The following CORIN variants were observed in gnomAD, a reference collection of about 807,000 sequenced individuals.
CORIN encodes the protein atrial natriuretic peptide-converting enzyme.
In CORIN, 117 loss-of-function variants were observed where a neutral mutation model predicts 125.3. The ratio of observed to expected loss-of-function variants is 0.93; its 90% confidence interval spans 0.80 to 1.09. CORIN has a LOEUF of 1.09. CORIN is among the 50% of genes least tolerant of loss of function. The probability of loss-of-function intolerance (pLI) is 0.00; values close to 1 mark genes in which losing one functional copy is unlikely to be tolerated. For missense variants in CORIN, 1,253 were observed against 1,306.7 expected (o/e 0.96, Z 0.63); for synonymous variants, 450 against 466.4 (o/e 0.96, Z 0.45).
intron 3 of CORIN, among the ~76,000 whole-genome samples, chr4:47,782,324 G>A (rs1730591084): frequency 6.6e-6 from 1 of 151,112 alleles, no homozygotes; most frequent in African/African-American, 2.4e-5. Context: ...GGCGAAGGTT[G>A]CAGTGAACTG....
At chr4:47,810,010 C>T (rs1371630241) in intron 1 of CORIN, among the ~76,000 whole-genome samples, 1 of 152,218 alleles carries the variant, frequency 6.6e-6, no homozygotes, top group Non-Finnish European at 1.5e-5. Context: ...CCACAAGCAC[C>T]TTCCTCAGCC....
intron 6 of CORIN, among the ~76,000 whole-genome samples, chr4:47,686,876 A>G (rs999791539): frequency 1.3e-5 from 2 of 152,150 alleles, no homozygotes; most frequent in African/African-American, 2.4e-5. Flanking sequence ...GGAATCAAAT[A>G]CCCCTTTCAG....
chr4:47,595,835 T>G lies in CORIN; in HGVS notation c.3015A>C (p.Ser1005=), dbSNP rs747883486. 5.6e-6 allele frequency: 9 copies of G among 1,613,838 alleles called. No homozygotes were observed. The highest frequency in any genetic ancestry group is 7.6e-6 in the Non-Finnish European group (9 of 1,179,846). The change falls in exon 22 of 22, where the codon TCA becomes TCC. Residue 1005 remains serine, a synonymous_variant. Coordinates refer to ENST00000273857, the MANE Select transcript of CORIN (RefSeq NM_006587.4). The part of the protein sequence containing the change: ...GGRWTLFGLT[S]WGSVCFSKVL... ...CTTTGGAAAAGCAGACGGAGCCCCA[T>G]GAAGTTAATCCAAATAATGTCCACC...
chr4:47,696,336 T>C (rs1726003070), intron 5 of CORIN, among the ~76,000 whole-genome samples: 1 of 152,190 alleles, frequency 6.6e-6, no homozygotes, highest in African/African-American at 2.4e-5. Context: ...AAGAGGTATA[T>C]GTTGGAATTT....
chr4:47,816,356 T>A (rs1187719192), intron 1 of CORIN, among the ~76,000 whole-genome samples: 1 of 152,308 alleles, frequency 6.6e-6, no homozygotes, highest in Non-Finnish European at 1.5e-5. Flanking sequence ...AAATGAGAAA[T>A]TCTGTGTTGA....
chr4:47,698,068 A>G (rs921348784), intron 5 of CORIN, among the ~76,000 whole-genome samples: 5 of 151,668 alleles, frequency 3.3e-5, no homozygotes, highest in African/African-American at 1.2e-4. Context: ...TAGAATAATT[A>G]ATACTATTCT....
chr4:47,788,795 A>G (rs753701878), intron 2 of CORIN, among the ~76,000 whole-genome samples: 1 of 152,190 alleles, frequency 6.6e-6, no homozygotes. Flanking sequence ...TGCTGAATCT[A>G]TGAGTAGGCA....
At chr4:47,770,539 A>C (rs946170795) in intron 3 of CORIN, among the ~76,000 whole-genome samples, 1 of 150,666 alleles carries the variant, frequency 6.6e-6, no homozygotes, top group Non-Finnish European at 1.5e-5. Flanking sequence ...TATTCCAAGG[A>C]TGTAAAATCA....
chr4:47,683,089 T>C (rs1321046480), intron 7 of CORIN: 1 of 152,302 alleles, frequency 6.6e-6, no homozygotes. Flanking sequence ...CTCAATAATA[T>C]GCTACCTAAA....
chr4:47,777,614 G>C (rs530444440), intron 3 of CORIN, among the ~76,000 whole-genome samples: 1 of 152,298 alleles, frequency 6.6e-6, no homozygotes, highest in African/African-American at 2.4e-5. Flanking sequence ...CTGGGTGACA[G>C]AGCAAGACTC....
chr4:47,724,125 T>TGAA (rs1727481162), intron 5 of CORIN, among the ~76,000 whole-genome samples: 1 of 152,028 alleles, frequency 6.6e-6, no homozygotes, highest in Non-Finnish European at 1.5e-5. Flanking sequence ...TTAAAGCAGC[T>TGAA]GTAATAACCA....
chr4:47,623,264 T>C (rs1722408035), intron 19 of CORIN, among the ~76,000 whole-genome samples: 1 of 152,112 alleles, frequency 6.6e-6, no homozygotes. Flanking sequence ...AGTTATTATA[T>C]ATGTGATATA....
intron 7 of CORIN, chr4:47,680,972 G>A (rs572753715): frequency 3.3e-5 from 5 of 152,276 alleles, no homozygotes; most frequent in Non-Finnish European, 7.4e-5. Context: ...TTATATTCAT[G>A]ATTCTTTTTA....
At chr4:47,721,064 C>T (rs909639407) in intron 5 of CORIN, among the ~76,000 whole-genome samples, 1 of 152,104 alleles carries the variant, frequency 6.6e-6, no homozygotes, top group Non-Finnish European at 1.5e-5. Flanking sequence ...TTTCATAGTT[C>T]TGGAAGGTGG....
intron 5 of CORIN, among the ~76,000 whole-genome samples, chr4:47,732,879 T>G (rs901969371): frequency 6.6e-6 from 1 of 151,994 alleles, no homozygotes; most frequent in African/African-American, 2.4e-5. Context: ...CTACTCTTTA[T>G]TGGCCTGTTT....
At chr4:47,824,861 G>C (rs1732674052) in intron 1 of CORIN, among the ~76,000 whole-genome samples, 1 of 152,180 alleles carries the variant, frequency 6.6e-6, no homozygotes, top group Admixed American at 6.5e-5. Context: ...CAGTCCTTCA[G>C]TCATTCCTAG....
intron 8 of CORIN, chr4:47,679,923 T>C (rs1429192583): frequency 2.0e-5 from 8 of 398,942 alleles, no homozygotes; most frequent in Non-Finnish European, 3.6e-5. Context: ...AAATGAAGCT[T>C]GGAGTTTTGC....
At chr4:47,683,565 T>C (rs912620483) in intron 7 of CORIN, 166 bp downstream of exon 7, 15 of 563,040 alleles carry the variant, frequency 2.7e-5, no homozygotes, top group Non-Finnish European at 4.1e-5. Flanking sequence ...ACATAAGACA[T>C]TACTGAGGAC....
intron 6 of CORIN, among the ~76,000 whole-genome samples, chr4:47,686,713 G>C (rs571000407): frequency 3.3e-5 from 5 of 152,146 alleles, no homozygotes; most frequent in Admixed American, 6.5e-5. Context: ...GCAATAGCCC[G>C]GGAAATAAGG....
Sources: gnomAD v4.1 joint callset for allele counts (sites outside exome capture counted in the v4.1 genomes callset) on GRCh38, gnomAD v4.1.1 for gene constraint, MANE v1.5 for transcripts, NCBI Gene and HGNC (gene_info 2026-07-23, HGNC 2026-07-21) for gene names.